The following RAB40A variants were observed in gnomAD, a reference collection of about 807,000 sequenced individuals.
The protein encoded by RAB40A is ras-related protein Rab-40A.
For missense variants in RAB40A, 145 were observed against 230.2 expected (o/e 0.63, Z 2.40); for synonymous variants, 65 against 99.9 (o/e 0.65, Z 2.08).
At chrX:103,516,798 A>G (rs867197190) in intron 2 of RAB40A, among the ~76,000 whole-genome samples, 11 of 111,910 alleles carry the variant, frequency 9.8e-5, no homozygotes, top group Non-Finnish European at 1.7e-4. Context: ...AGCTGTTATA[A>G]TTATATGTAC....
At chrX:103,502,149 A>G (rs1341431772) in intron 2 of RAB40A, 3 of 123,502 alleles carry the variant, frequency 2.4e-5, no homozygotes, top group Non-Finnish European at 3.8e-5. Context: ...TAAAAAGGAA[A>G]AAATGAGAAA....
At chrX:103,494,910 G>C (rs770578154), downstream of RAB40A, among the ~76,000 whole-genome samples, 14 of 111,762 alleles carry the variant, frequency 1.3e-4, no homozygotes, top group Non-Finnish European at 2.4e-4. Context: ...GGTCTTTTGT[G>C]ATTCTATATG....
chrX:103,497,341 A>G (rs1193028746), downstream of RAB40A, among the ~76,000 whole-genome samples: 1 of 109,803 alleles, frequency 9.1e-6, no homozygotes, highest in Admixed American at 9.7e-5. Flanking sequence ...AACTATGGGG[A>G]TGGATAGATG....
intron 2 of RAB40A, among the ~76,000 whole-genome samples, chrX:103,506,510 G>A (rs1385723461): frequency 8.9e-6 from 1 of 111,979 alleles, no homozygotes; most frequent in Non-Finnish European, 1.9e-5. Flanking sequence ...TACGACAAAT[G>A]AATAGATCAT....
At chrX:103,503,895 T>G (rs1228885752) in intron 2 of RAB40A, among the ~76,000 whole-genome samples, 1 of 111,955 alleles carries the variant, frequency 8.9e-6, no homozygotes, top group Non-Finnish European at 1.9e-5. Flanking sequence ...TGTCAAATTA[T>G]TTCCTGTTTT....
intron 2 of RAB40A, 46 bp downstream of exon 2, chrX:103,517,328 T>G (rs973592077): frequency 1.8e-5 from 2 of 111,164 alleles, no homozygotes; most frequent in African/African-American, 6.5e-5. Flanking sequence ...CTATACTGAG[T>G]ATCCTTCTGT....
At chrX:103,502,972 AT>A in intron 2 of RAB40A, 1 of 763,589 alleles carries the variant, frequency 1.3e-6, no homozygotes, top group African/African-American at 2.3e-5. Context: ...GTGAAAAGTC[AT>A]TTTTCATTGT....
In RAB40A at chrX:103,500,818, G is replaced by A. The variant is rs1474628079; in HGVS notation, c.-62C>T. On this transcript the variant is annotated 5_prime_UTR_variant, in exon 3 of 3. Transcript: ENST00000304236. ...CGGGGTTGTGCGCAGAGGTGGTGCC[G>A]GGCCTGTTCTTCTTGAGAAATTAGC... 4.4e-5 allele frequency: 51 copies of A among 1,151,642 alleles called. No homozygotes were observed. The highest frequency in any genetic ancestry group is 5.5e-5 in the Non-Finnish European group (48 of 868,920). The allele number at this position is 1,151,642 out of a possible 1,213,427, so 94.9% of individuals were successfully genotyped here.
chrX:103,498,822 C>A (rs2073201855), downstream of RAB40A, among the ~76,000 whole-genome samples: 2 of 112,274 alleles, frequency 1.8e-5, 1 homozygote, highest in Admixed American at 1.9e-4. Context: ...CTCAGTTCAT[C>A]CAATATCAAT....
chrX:103,512,830 A>G (rs779426579), intron 2 of RAB40A, among the ~76,000 whole-genome samples: 1 of 112,359 alleles, frequency 8.9e-6, no homozygotes, highest in South Asian at 3.7e-4. Context: ...TTATCCATGC[A>G]TAATAAAATT....
chrX:103,494,387 TCTTCA>T (rs2073150237), downstream of RAB40A, among the ~76,000 whole-genome samples: 1 of 112,316 alleles, frequency 8.9e-6, no homozygotes, highest in South Asian at 3.7e-4. Context: ...GTGGGTTGTC[TCTTCA>T]CTTTGTTGAT....
At chrX:103,508,907 A>G (rs7061268) in intron 2 of RAB40A, among the ~76,000 whole-genome samples, 2,158 of 111,738 alleles carry the variant, frequency 0.019, 53 homozygotes, top group African/African-American at 0.066. Flanking sequence ...TATTCTGGAC[A>G]TATCCTGCAG....
chrX:103,498,749 C>T (rs868613187), downstream of RAB40A, among the ~76,000 whole-genome samples: 3 of 112,237 alleles, frequency 2.7e-5, no homozygotes, highest in African/African-American at 9.7e-5. Flanking sequence ...GTTACAATCA[C>T]CCTATGACAA....
intron 2 of RAB40A, among the ~76,000 whole-genome samples, chrX:103,511,220 C>T (rs1177339211): frequency 2.7e-5 from 3 of 110,969 alleles, no homozygotes; most frequent in Non-Finnish European, 5.7e-5. Flanking sequence ...TGAGTTTGGC[C>T]GGGCACGGTG....
rs2147596976 is a variant in RAB40A, at chrX:103,518,501, C to A, written c.-223+869G>T. ...CTGAGTTTAGGTCTGTGTAGCCATTCTACTAGATGAATCTGGACCAAACTA... is the reference window on the plus strand; with the variant it reads ...CTGAGTTTAGGTCTGTGTAGCCATTATACTAGATGAATCTGGACCAAACTA... On this transcript the variant is annotated intron_variant, in intron 1 of 2. Coordinates refer to ENST00000304236, the MANE Select transcript of RAB40A (RefSeq NM_080879.3). 1.8e-5 allele frequency among the ~76,000 whole-genome samples: 2 copies of A among 110,624 alleles called. 1 individual carries two copies. Among genetic ancestry groups the A allele is most frequent in the East Asian group, 5.7e-4 (2 of 3,530 alleles).
At chrX:103,511,524 A>AAG (rs1472788007) in intron 2 of RAB40A, among the ~76,000 whole-genome samples, 1 of 109,790 alleles carries the variant, frequency 9.1e-6, no homozygotes, top group African/African-American at 3.3e-5. Flanking sequence ...AAAAAAAAAA[A>AAG]GGATGAGTTC....
At chrX:103,502,923 A>G in intron 2 of RAB40A, 1 of 765,560 alleles carries the variant, frequency 1.3e-6, no homozygotes, top group Non-Finnish European at 1.6e-6. Context: ...TGAGACACAG[A>G]AGTGGGGGCT....
downstream of RAB40A, among the ~76,000 whole-genome samples, chrX:103,498,225 C>T (rs139665696): frequency 2.7e-5 from 3 of 111,922 alleles, no homozygotes; most frequent in Middle Eastern, 4.6e-3. Context: ...CAAGTATTCA[C>T]CCTCAGCATG....
rs773653058 is a variant in RAB40A at position 103,500,522 on chromosome X, T to C, written c.235A>G (p.Ile79Val). Residue 79 changes from isoleucine to valine, a missense_variant, in exon 3 of 3, where the codon ATA (isoleucine) becomes GTA (valine). By Grantham distance (29) the Ile-to-Val change is conservative. Coordinates refer to ENST00000304236, the MANE Select transcript of RAB40A (RefSeq NM_080879.3). ...GCACCACGAGAGTAGGAGCGGAATA[T>C]GGTACAAAATCTTCCCTGCCCCGAC... The part of the protein sequence containing the change: ...DTSGQGRFCT[I>V]FRSYSRGAQG... The C allele has an allele frequency of 5.0e-6, 6 of 1,208,445 alleles. No individual in the cohort carries two copies. The highest frequency in any genetic ancestry group is 5.6e-6 in the Non-Finnish European group (5 of 894,530).
Sources: gnomAD v4.1 joint callset for allele counts (sites outside exome capture counted in the v4.1 genomes callset) on GRCh38, gnomAD v4.1.1 for gene constraint, MANE v1.5 for transcripts, NCBI Gene and HGNC (gene_info 2026-07-23, HGNC 2026-07-21) for gene names.